ANKRD30A: variants seen among roughly 807,000 people sequenced by gnomAD.
The protein encoded by ANKRD30A is ankyrin repeat domain 30A, also known as ankyrin repeat domain-containing protein 30A.
ANKRD30A carries 170 observed loss-of-function variants against 166.3 expected under a neutral mutation model. The ratio of observed to expected loss-of-function variants is 1.02; its 90% CI spans 0.90 to 1.16. ANKRD30A has a LOEUF of 1.16. Ranked by LOEUF, ANKRD30A falls within the 50% of genes most tolerant of loss-of-function variation. The pLI is 0.00. For missense variants in ANKRD30A, 1,630 were observed against 1,518.0 expected (o/e 1.07, Z -1.23); for synonymous variants, 564 against 508.9 (o/e 1.11, Z -1.46).
intron 31 of ANKRD30A, among the ~76,000 whole-genome samples, chr10:37,210,765 CT>C (rs1346761682): frequency 6.6e-6 from 1 of 152,076 alleles, no homozygotes; most frequent in Non-Finnish European, 1.5e-5. Flanking sequence ...TAAATGTGAT[CT>C]TTGAAGAAGT....
intron 31 of ANKRD30A, among the ~76,000 whole-genome samples, chr10:37,201,590 T>C (rs1841631701): frequency 1.3e-5 from 2 of 151,600 alleles, no homozygotes; most frequent in African/African-American, 4.8e-5. Flanking sequence ...AAGAAGAAAG[T>C]AGTAAAAGAG....
intron 14 of ANKRD30A, 35 bp from the exon 15 acceptor site, chr10:37,158,479 T>C (rs1183857577): frequency 6.2e-7 from 1 of 1,613,264 alleles, no homozygotes; most frequent in South Asian, 1.1e-5. Context: ...AAGTATACAT[T>C]GTATATTAAT....
Position 37,161,043 on chromosome 10 carries a change from G to A in ANKRD30A, c.1901-1606G>A, listed in dbSNP as rs1398055560. On this transcript the variant is annotated intron_variant, in intron 15 of 35. Coordinates refer to ENST00000361713, the MANE Select transcript of ANKRD30A (RefSeq NM_052997.3). The stretch of plus-strand genomic sequence containing the variant: ...CCGTGACTGGCAGATCACGAGGTTA[G>A]GAGATCGAGACCATCCTGACTAACA... Among the ~76,000 whole-genome samples, 9 of 152,298 alleles carry A rather than the reference G, an allele frequency of 5.9e-5. No homozygotes were observed. The East Asian group carries it at 1.7e-3, about 29-fold the overall frequency.
At chr10:37,142,768 TTAG>T (rs1387851887) in intron 7 of ANKRD30A, among the ~76,000 whole-genome samples, 1 of 151,822 alleles carries the variant, frequency 6.6e-6, no homozygotes. Flanking sequence ...TTTTGTATTT[TTAG>T]TAGAGATAGG....
At chr10:37,150,952 T>A (rs1315747480) in intron 11 of ANKRD30A, among the ~76,000 whole-genome samples, 1 of 151,350 alleles carries the variant, frequency 6.6e-6, no homozygotes. Flanking sequence ...ACACGTTAGA[T>A]CTCTGAAACG....
chr10:37,137,445 C>T (rs923698994), intron 6 of ANKRD30A, among the ~76,000 whole-genome samples: 12 of 152,164 alleles, frequency 7.9e-5, no homozygotes, highest in African/African-American at 2.4e-4. Flanking sequence ...ACCTGGGAAG[C>T]GCAAGGGGTC....
In ANKRD30A at chr10:37,199,580, G is replaced by C. The variant is rs1841449614; in HGVS notation, c.2717-147G>C. 3 of 454,408 alleles carry C rather than the reference G, an allele frequency of 6.6e-6. No homozygotes were observed. The South Asian group carries it at 7.9e-5, about 12-fold the overall frequency. 28.1% of individuals were successfully genotyped at this position (454,408 alleles called of 1,614,324 possible). On this transcript the variant is annotated intron_variant, in intron 29 of 35. Transcript: ENST00000361713. Reference sequence around the variant, plus strand: ...TTCAATTCTAACGGATTGACTATAGGAAGTAGTCATTGTAATCAACAAAAA... The same window carrying C: ...TTCAATTCTAACGGATTGACTATAGCAAGTAGTCATTGTAATCAACAAAAA...
intron 25 of ANKRD30A, among the ~76,000 whole-genome samples, chr10:37,190,271 G>A (rs564508896): frequency 6.6e-6 from 1 of 151,850 alleles, no homozygotes; most frequent in African/African-American, 2.4e-5. Context: ...AAGTTCTCAG[G>A]TGATGCTGAT....
intron 33 of ANKRD30A, among the ~76,000 whole-genome samples, 176 bp downstream of exon 33, chr10:37,218,054 G>C (rs1842695989): frequency 6.6e-6 from 1 of 150,868 alleles, no homozygotes. Context: ...TGACATCCAA[G>C]TAGTATCTTA....
At chr10:37,263,195 TAAA>T in the ANKRD30A span, among the ~76,000 whole-genome samples, 1 of 135,308 alleles carries the variant, frequency 7.4e-6, no homozygotes. Flanking sequence ...AATGCTCTGC[TAAA>T]AAAAAAAAAA....
intron 29 of ANKRD30A, 74 bp downstream of exon 29, chr10:37,197,554 A>G (rs372566690): frequency 4.7e-5 from 75 of 1,599,774 alleles, no homozygotes; most frequent in Middle Eastern, 2.3e-4. Flanking sequence ...TCTATCCCCA[A>G]TGCTTTATTT....
chr10:37,153,938 A>G (rs1487907038), intron 13 of ANKRD30A, among the ~76,000 whole-genome samples: 1 of 152,208 alleles, frequency 6.6e-6, no homozygotes, highest in Non-Finnish European at 1.5e-5. Context: ...GTAATAGAGT[A>G]ACTGAAGACT....
chr10:37,134,848 G>A (rs1836583981), intron 5 of ANKRD30A, among the ~76,000 whole-genome samples: 1 of 152,166 alleles, frequency 6.6e-6, no homozygotes, highest in African/African-American at 2.4e-5. Context: ...AAAACTGTAA[G>A]TCAGGTTGAA....
chr10:37,192,570 A>T (rs1291096952), intron 25 of ANKRD30A, among the ~76,000 whole-genome samples: 2 of 152,064 alleles, frequency 1.3e-5, no homozygotes, highest in Admixed American at 1.3e-4. Context: ...TCTCATCACA[A>T]CTTTGCAATT....
At chr10:37,240,425 C>T in the ANKRD30A span, among the ~76,000 whole-genome samples, 5 of 152,082 alleles carry the variant, frequency 3.3e-5, no homozygotes, top group Non-Finnish European at 5.9e-5. Flanking sequence ...TAAGCAGTCA[C>T]GTGACTGGTG....
intron 18 of ANKRD30A, among the ~76,000 whole-genome samples, chr10:37,166,056 C>T (rs1261449039): frequency 2.0e-5 from 3 of 152,092 alleles, no homozygotes; most frequent in East Asian, 3.8e-4. Context: ...TTGTCAGAAA[C>T]ATGTTGCTTA....
chr10:37,252,630 G>A, the ANKRD30A span, among the ~76,000 whole-genome samples: 26 of 150,938 alleles, frequency 1.7e-4, 2 homozygotes, highest in South Asian at 5.4e-3. Context: ...AGTCTTTGGA[G>A]GCCATTATTC....
the ANKRD30A span, chr10:37,261,764 G>T: frequency 6.6e-6 from 1 of 152,138 alleles, no homozygotes; most frequent in East Asian, 1.9e-4. Flanking sequence ...GCCCCTGTGA[G>T]TTTACAGATG....
intron 24 of ANKRD30A, among the ~76,000 whole-genome samples, chr10:37,183,940 A>C (rs1840221826): frequency 1.3e-5 from 2 of 150,812 alleles, no homozygotes; most frequent in South Asian, 4.3e-4. Context: ...CGAGGTTAGG[A>C]GATCGAGACC....
Sources: allele counts gnomAD v4.1 joint callset (sites outside exome capture counted in the v4.1 genomes callset), GRCh38; gene constraint gnomAD v4.1.1; transcripts MANE v1.5; gene names NCBI Gene and HGNC (gene_info 2026-07-23, HGNC 2026-07-21).